ST14: variants seen among roughly 807,000 people sequenced by gnomAD.
ST14 encodes suppressor of tumorigenicity 14 protein.
Under a neutral mutation model 96.5 loss-of-function variants are expected in ST14, and 40 were observed. The observed-to-expected ratio is 0.41, with a 90% CI of 0.32 to 0.54. The LOEUF (loss-of-function observed/expected upper bound fraction) is 0.54, where lower values mean the gene tolerates loss of function less well. ST14 is among the 20% of genes least tolerant of loss of function. ST14 has a pLI of 0.17. For synonymous variants in ST14, 506 were observed against 492.1 expected (o/e 1.03, Z -0.37); for missense variants, 1,066 against 1,188.9 (o/e 0.90, Z 1.52).
At chr11:130,169,539 G>T (rs940956607) in intron 1 of ST14, among the ~76,000 whole-genome samples, 1 of 152,310 alleles carries the variant, frequency 6.6e-6, no homozygotes, top group Middle Eastern at 3.4e-3. Context: ...TGTTCAGAAT[G>T]TTGACTGTGA....
chr11:130,200,849 A>T (rs1414583053), intron 16 of ST14, among the ~76,000 whole-genome samples: 1 of 152,232 alleles, frequency 6.6e-6, no homozygotes, highest in African/African-American at 2.4e-5. Context: ...GTTAAGTGGC[A>T]GAGCCAGACT....
intron 1 of ST14, among the ~76,000 whole-genome samples, chr11:130,164,610 G>A (rs1381745623): frequency 6.6e-6 from 1 of 151,628 alleles, no homozygotes; most frequent in Non-Finnish European, 1.5e-5. Flanking sequence ...GTAGAGGCAG[G>A]GTCTTGCTAT....
At chr11:130,163,879 C>T (rs901580504) in intron 1 of ST14, among the ~76,000 whole-genome samples, 1 of 152,180 alleles carries the variant, frequency 6.6e-6, no homozygotes, top group African/African-American at 2.4e-5. Flanking sequence ...CTGCTCGAGC[C>T]GACTTGCTGG....
intron 1 of ST14, 99 bp downstream of exon 1, chr11:130,160,159 G>C (rs1474142720): frequency 3.6e-6 from 3 of 833,538 alleles, no homozygotes; most frequent in Non-Finnish European, 4.9e-6. Context: ...CGTGTCCGTC[G>C]GTGGCCGAGC....
Position 130,196,559 on chromosome 11 carries a change from C to CG in ST14, c.1224-11_1224-10insG, listed in dbSNP as rs770524936. On this transcript the variant is annotated splice_polypyrimidine_tract_variant and intron_variant, in intron 10 of 18. Coordinates refer to ENST00000278742, the MANE Select transcript of ST14 (RefSeq NM_021978.4). ...TGTCCCTCCTCACCTTGTGCCCCGC[C>CG]CCCCCTCCAGATACTGCGGAGAGAG... The CG allele has an allele frequency of 9.9e-6, 16 of 1,609,398 alleles. No individual in the cohort carries two copies. In the South Asian group the frequency reaches 1.1e-4, roughly 11 times the overall value.
intron 16 of ST14, among the ~76,000 whole-genome samples, chr11:130,205,211 C>T (rs1953473191): frequency 6.6e-6 from 1 of 152,136 alleles, no homozygotes; most frequent in African/African-American, 2.4e-5. Context: ...ACTGCAACCT[C>T]TGCCTCCCGG....
chr11:130,183,853 G>T (rs1953215390), intron 1 of ST14, among the ~76,000 whole-genome samples: 1 of 152,186 alleles, frequency 6.6e-6, no homozygotes, highest in Non-Finnish European at 1.5e-5. Flanking sequence ...AGCTCTGTTT[G>T]TAATGGCCTG....
At chr11:130,183,389 G>A (rs1414289394) in intron 1 of ST14, among the ~76,000 whole-genome samples, 3 of 152,168 alleles carry the variant, frequency 2.0e-5, no homozygotes, top group African/African-American at 7.2e-5. Context: ...CAGCCTGAAA[G>A]GCGAAGTTCC....
intron 1 of ST14, among the ~76,000 whole-genome samples, chr11:130,175,020 C>T (rs1242659487): frequency 6.6e-6 from 1 of 152,140 alleles, no homozygotes; most frequent in Non-Finnish European, 1.5e-5. Flanking sequence ...CTCTGCATGC[C>T]GAGAGAGCAT....
intron 11 of ST14, 126 bp from the exon 12 acceptor site, chr11:130,197,715 T>C (rs1416712234): frequency 6.4e-6 from 5 of 780,680 alleles, no homozygotes; most frequent in Non-Finnish European, 1.0e-5. Context: ...ACCCCTGCCC[T>C]GGGCCACAGC....
chr11:130,201,959 C>G (rs181016583), intron 16 of ST14, among the ~76,000 whole-genome samples: 1 of 152,334 alleles, frequency 6.6e-6, no homozygotes, highest in East Asian at 1.9e-4. Flanking sequence ...TCCTTGCTTT[C>G]TGGCACTACC....
In ST14 at chr11:130,187,281, G is replaced by A. The variant is rs572827802; in HGVS notation, c.82-833G>A. Among the ~76,000 whole-genome samples, 2 of 152,280 alleles carry A rather than the reference G, an allele frequency of 1.3e-5. No homozygotes were observed. Among genetic ancestry groups the A allele is most frequent in the South Asian group, 2.1e-4 (1 of 4,824 alleles). On this transcript the variant is annotated intron_variant, in intron 1 of 18. Coordinates refer to ENST00000278742, the MANE Select transcript of ST14 (RefSeq NM_021978.4). This position sits in a 1 kb window ranked among gnomAD's most constrained non-coding sequence, Gnocchi z 4.5. The stretch of plus-strand genomic sequence containing the variant: ...GCATGTGCTATCGGCAGAAGCCTTC[G>A]CCGGTCCGTCACTGGGTGCAGCAGA...
intron 17 of ST14, 77 bp downstream of exon 17, chr11:130,208,761 G>T (rs1953515731): frequency 3.1e-5 from 47 of 1,508,196 alleles, no homozygotes; most frequent in Non-Finnish European, 4.2e-5. Flanking sequence ...CTGCGTGTCC[G>T]GTCTCGGGGC....
chr11:130,181,350 G>A lies in ST14; in HGVS notation c.82-6764G>A, dbSNP rs543933341. Among the ~76,000 whole-genome samples, 3 of 152,318 alleles carry A rather than the reference G, an allele frequency of 2.0e-5. No individual in the cohort carries two copies. Among genetic ancestry groups the A allele is most frequent in the African/African-American group, 4.8e-5 (2 of 41,574 alleles). ...TCCCTTGTCTGAGTGGCCTGGAGCC[G>A]AGCTGTGTTTCTGGGTCCTTTGGCC... On this transcript the variant is annotated intron_variant, in intron 1 of 18. Transcript: ENST00000278742. The surrounding 1 kb of genome is among the most constrained non-coding windows in gnomAD (Gnocchi z 4.1).
rs563670518 is a variant in ST14, at chr11:130,192,090, C to A, written c.875+1396C>A. Among the ~76,000 whole-genome samples, 755 of 152,332 alleles carry A rather than the reference C, an allele frequency of 5.0e-3. 2 individuals are homozygous for A. Among genetic ancestry groups the A allele is most frequent in the African/African-American group, 0.017 (725 of 41,574 alleles). On this transcript the variant is annotated intron_variant, in intron 7 of 18. Transcript: ENST00000278742. Reference sequence around the variant, plus strand: ...CCACGTCAGGGTGGGGCGTACCTCGCAGAGGTGCTGTGCGTGGTGGGTGAG... The same window carrying A: ...CCACGTCAGGGTGGGGCGTACCTCGAAGAGGTGCTGTGCGTGGTGGGTGAG...
At chr11:130,164,787 G>C (rs1478726065) in intron 1 of ST14, among the ~76,000 whole-genome samples, 1 of 150,934 alleles carries the variant, frequency 6.6e-6, no homozygotes, top group Non-Finnish European at 1.5e-5. Flanking sequence ...TGCCCAGCTG[G>C]AGTGCAATGG....
chr11:130,190,398 C>T, intron 6 of ST14, 56 bp from the exon 7 acceptor site: 2 of 1,600,556 alleles, frequency 1.2e-6, no homozygotes, highest in Admixed American at 1.7e-5. Flanking sequence ...AGGGTCCTCC[C>T]CCAGCTCTGC....
chr11:130,183,960 A>G (rs1270136759), intron 1 of ST14, among the ~76,000 whole-genome samples: 7 of 152,256 alleles, frequency 4.6e-5, no homozygotes, highest in Admixed American at 3.3e-4. Context: ...ACCAAAAGGT[A>G]TGCACTGCTG....
At chr11:130,178,805 G>A (rs1433008227) in intron 1 of ST14, among the ~76,000 whole-genome samples, 3 of 152,178 alleles carry the variant, frequency 2.0e-5, no homozygotes, top group Non-Finnish European at 2.9e-5. Flanking sequence ...TGAGGGCGGC[G>A]ACGGGTCAAA....
Sources: gnomAD v4.1 joint callset for allele counts (sites outside exome capture counted in the v4.1 genomes callset) on GRCh38, gnomAD v4.1.1 for gene constraint, Gnocchi (gnomAD v3.1) non-coding constraint, MANE v1.5 for transcripts, NCBI Gene and HGNC (gene_info 2026-07-23, HGNC 2026-07-21) for gene names.